Variants in MINDY3 observed in about 807,000 individuals in gnomAD.
MINDY3 encodes the protein ubiquitin carboxyl-terminal hydrolase MINDY-3.
MINDY3 carries 38 observed loss-of-function variants against 69.2 expected under a neutral mutation model. The ratio of observed to expected loss-of-function variants is 0.55; its 90% CI spans 0.42 to 0.72. The LOEUF is 0.72. Among genes scored for constraint, MINDY3 ranks in the 30% least tolerant of loss-of-function variants. The probability of loss-of-function intolerance (pLI) is 0.00; values close to 1 mark genes in which losing one functional copy is unlikely to be tolerated. For synonymous variants in MINDY3, 192 were observed against 180.1 expected (o/e 1.07, Z -0.53); for missense variants, 522 against 519.0 (o/e 1.01, Z -0.06).
At chr10:15,856,557 T>C (rs1834706221) in intron 1 of MINDY3, among the ~76,000 whole-genome samples, 1 of 152,112 alleles carries the variant, frequency 6.6e-6, no homozygotes, top group Admixed American at 6.5e-5. Flanking sequence ...GAGTTTACAC[T>C]CTCCCTCAGG....
chr10:15,851,964 C>T (rs1197243415), intron 1 of MINDY3, among the ~76,000 whole-genome samples: 1 of 152,110 alleles, frequency 6.6e-6, no homozygotes, highest in Non-Finnish European at 1.5e-5. Flanking sequence ...TTACCTGTAG[C>T]CTCAATGCTC....
chr10:15,787,542 G>T (rs1364768720), intron 12 of MINDY3, among the ~76,000 whole-genome samples: 1 of 152,032 alleles, frequency 6.6e-6, no homozygotes, highest in Non-Finnish European at 1.5e-5. Context: ...TGCCTCTTCG[G>T]TCTGGGTCAG....
chr10:15,834,224 T>G (rs757194953), intron 7 of MINDY3, among the ~76,000 whole-genome samples: 2 of 151,912 alleles, frequency 1.3e-5, no homozygotes, highest in Non-Finnish European at 2.9e-5. Flanking sequence ...AGAGAAGCAC[T>G]TACAAAGATA....
At chr10:15,790,505 A>G (rs916434740) in intron 11 of MINDY3, among the ~76,000 whole-genome samples, 2 of 152,142 alleles carry the variant, frequency 1.3e-5, no homozygotes, top group African/African-American at 4.8e-5. Context: ...CTGTGGGCTT[A>G]GCTTTGATGA....
intron 1 of MINDY3, among the ~76,000 whole-genome samples, chr10:15,849,996 G>C (rs745932748): frequency 3.9e-5 from 6 of 152,170 alleles, no homozygotes; most frequent in Non-Finnish European, 7.3e-5. Flanking sequence ...GGAGGGACCT[G>C]CTGAAGCTGT....
At position 15,843,276 on chromosome 10, in the gene MINDY3, T is replaced by C. The variant is rs1222576895; in HGVS notation, c.175-4A>G. The stretch of plus-strand genomic sequence containing the variant: ...GGAGCTTCTTCAAAAGAAATGCCTT[T>C]ACACAATTAAAGCAATAATTAGTGA... On this transcript the variant is annotated splice_region_variant and splice_polypyrimidine_tract_variant and intron_variant, in intron 2 of 14. Coordinates refer to ENST00000277632, the MANE Select transcript of MINDY3 (RefSeq NM_024948.4). 2 of 1,609,458 alleles carry C rather than the reference T, an allele frequency of 1.2e-6. No individual in the cohort carries two copies. The highest frequency in any genetic ancestry group is 2.7e-5 in the African/African-American group (2 of 74,948).
intron 4 of MINDY3, among the ~76,000 whole-genome samples, chr10:15,840,835 T>C (rs542821150): frequency 1.3e-5 from 2 of 151,726 alleles, no homozygotes; most frequent in East Asian, 3.9e-4. Flanking sequence ...ACAGAATATA[T>C]AATTTTTATG....
chr10:15,781,815 G>C (rs1172321183), intron 14 of MINDY3, among the ~76,000 whole-genome samples: 1 of 152,160 alleles, frequency 6.6e-6, no homozygotes, highest in Non-Finnish European at 1.5e-5. Context: ...AAGTCTCACT[G>C]TTACCTCTTT....
chr10:15,822,978 A>AT (rs1228870685), intron 8 of MINDY3, among the ~76,000 whole-genome samples: 2 of 152,196 alleles, frequency 1.3e-5, no homozygotes, highest in African/African-American at 4.8e-5. Flanking sequence ...TAATGCATAT[A>AT]TAATTTTGCA....
intron 10 of MINDY3, among the ~76,000 whole-genome samples, chr10:15,800,854 G>A (rs1199773922): frequency 6.6e-6 from 1 of 152,110 alleles, no homozygotes; most frequent in East Asian, 1.9e-4. Context: ...TACAAAAAAT[G>A]CAACTTGTAT....
chr10:15,845,135 C>G (rs1833738238), intron 2 of MINDY3, among the ~76,000 whole-genome samples: 1 of 152,096 alleles, frequency 6.6e-6, no homozygotes, highest in African/African-American at 2.4e-5. Flanking sequence ...AATATTATTC[C>G]AAGGATACAT....
chr10:15,830,124 A>G (rs1436684789), intron 8 of MINDY3, among the ~76,000 whole-genome samples: 1 of 152,232 alleles, frequency 6.6e-6, no homozygotes, highest in Non-Finnish European at 1.5e-5. Flanking sequence ...ATCAGAAAAC[A>G]TTATGGCAAG....
chr10:15,829,189 G>A (rs943440997), intron 8 of MINDY3, among the ~76,000 whole-genome samples: 11 of 152,258 alleles, frequency 7.2e-5, no homozygotes, highest in South Asian at 2.1e-4. Flanking sequence ...TCCTGCTGTC[G>A]GGGTTAAGTG....
intron 8 of MINDY3, among the ~76,000 whole-genome samples, chr10:15,822,151 T>A (rs954364626): frequency 3.3e-5 from 5 of 152,198 alleles, no homozygotes; most frequent in African/African-American, 1.2e-4. Flanking sequence ...TATCATTAGG[T>A]AGCAGTGACT....
chr10:15,853,212 T>C (rs1176437054), intron 1 of MINDY3, among the ~76,000 whole-genome samples: 2 of 151,304 alleles, frequency 1.3e-5, no homozygotes, highest in African/African-American at 4.9e-5. Flanking sequence ...AAAGAGTGAT[T>C]ATATGGAAAA....
chr10:15,818,458 GA>G (rs2131987756), intron 9 of MINDY3, among the ~76,000 whole-genome samples: 1 of 152,168 alleles, frequency 6.6e-6, no homozygotes, highest in East Asian at 1.9e-4. Context: ...CACTTCCTCA[GA>G]AAGTTAAAAA....
chr10:15,781,401 T>TTATATA (rs372810709), intron 14 of MINDY3, among the ~76,000 whole-genome samples: 4 of 145,758 alleles, frequency 2.7e-5, no homozygotes, highest in African/African-American at 1.0e-4. Context: ...TACATATATA[T>TTATATA]TATATATATA....
At chr10:15,826,542 T>C (rs984837485) in intron 8 of MINDY3, among the ~76,000 whole-genome samples, 1 of 152,154 alleles carries the variant, frequency 6.6e-6, no homozygotes, top group Non-Finnish European at 1.5e-5. Flanking sequence ...AATCCAAATC[T>C]TCAAAGATTT....
chr10:15,849,346 G>A (rs963831534), intron 1 of MINDY3, among the ~76,000 whole-genome samples: 1 of 152,146 alleles, frequency 6.6e-6, no homozygotes, highest in Admixed American at 6.5e-5. Flanking sequence ...CAGCAAATGG[G>A]CGGCAGGAAA....
Sources: gnomAD v4.1 joint callset for allele counts (sites outside exome capture counted in the v4.1 genomes callset) on GRCh38, gnomAD v4.1.1 for gene constraint, MANE v1.5 for transcripts, NCBI Gene and HGNC (gene_info 2026-07-23, HGNC 2026-07-21) for gene names.